The following RFX8 variants were observed in gnomAD, a reference collection of about 807,000 sequenced individuals.
RFX8 encodes DNA-binding protein RFX8.
Under a neutral mutation model 54.6 loss-of-function variants are expected in RFX8, and 46 were observed. The ratio of observed to expected loss-of-function variants is 0.84; its 90% confidence interval spans 0.67 to 1.08. RFX8 has a LOEUF of 1.08. RFX8 is among the 50% of genes least tolerant of loss of function. The probability of loss-of-function intolerance (pLI) is 0.00; values close to 1 mark genes in which losing one functional copy is unlikely to be tolerated. For missense variants in RFX8, 536 were observed against 562.3 expected (o/e 0.95, Z 0.47); for synonymous variants, 192 against 209.5 (o/e 0.92, Z 0.72).
At chr2:101,429,222 G>A (rs565813553) in intron 2 of RFX8, among the ~76,000 whole-genome samples, 6 of 152,264 alleles carry the variant, frequency 3.9e-5, no homozygotes, top group East Asian at 1.9e-4. Flanking sequence ...GGACAACCAC[G>A]CATTTATTTT....
intron 2 of RFX8, among the ~76,000 whole-genome samples, chr2:101,460,464 T>C (rs1482189714): frequency 6.6e-6 from 1 of 152,178 alleles, no homozygotes; most frequent in Non-Finnish European, 1.5e-5. Context: ...AATGCTATCT[T>C]GTTTATCAGC....
At chr2:101,417,395 A>T (rs1230612449) in intron 6 of RFX8, 139 bp downstream of exon 6, 2 of 718,260 alleles carry the variant, frequency 2.8e-6, no homozygotes, top group Non-Finnish European at 4.5e-6. Flanking sequence ...TTTGTGAGAC[A>T]GGATCTCACT....
At chr2:101,462,232 A>C (rs1039037208) in intron 2 of RFX8, among the ~76,000 whole-genome samples, 1 of 152,210 alleles carries the variant, frequency 6.6e-6, no homozygotes, top group African/African-American at 2.4e-5. Context: ...GTCCAAGACC[A>C]GCCTGGGCAA....
At chr2:101,451,686 T>C (rs1688689215) in intron 2 of RFX8, among the ~76,000 whole-genome samples, 1 of 40,232 alleles carries the variant, frequency 2.5e-5, no homozygotes, top group Non-Finnish European at 4.8e-5. Flanking sequence ...TGAAACTCCG[T>C]CTCAAAAAAA....
chr2:101,465,425 G>T (rs1388184620), intron 2 of RFX8, among the ~76,000 whole-genome samples: 1 of 152,162 alleles, frequency 6.6e-6, no homozygotes, highest in Admixed American at 6.5e-5. Context: ...CACGGGAATC[G>T]CTTGAACTCG....
intron 2 of RFX8, among the ~76,000 whole-genome samples, chr2:101,427,770 A>G (rs1385130123): frequency 6.6e-6 from 1 of 151,984 alleles, no homozygotes; most frequent in Non-Finnish European, 1.5e-5. Flanking sequence ...CATGGTACCC[A>G]TTGTTCCACG....
intron 8 of RFX8, among the ~76,000 whole-genome samples, chr2:101,412,277 C>A (rs1030668143): frequency 7.2e-5 from 11 of 152,196 alleles, no homozygotes; most frequent in Admixed American, 5.2e-4. Context: ...TGGAGAGCTC[C>A]TGCTGCCACT....
At chr2:101,460,370 A>G (rs887237323) in intron 2 of RFX8, among the ~76,000 whole-genome samples, 4 of 152,186 alleles carry the variant, frequency 2.6e-5, no homozygotes, top group African/African-American at 7.2e-5. Flanking sequence ...CTATTCGGCC[A>G]TCTTGGAAGC....
intron 10 of RFX8, among the ~76,000 whole-genome samples, chr2:101,405,692 C>T (rs543492237): frequency 2.4e-4 from 37 of 152,180 alleles, no homozygotes; most frequent in African/African-American, 8.2e-4. Flanking sequence ...AATTCAAGAA[C>T]AAGGAGAGTG....
chr2:101,452,649 C>T (rs1001847892), intron 2 of RFX8, among the ~76,000 whole-genome samples: 2 of 151,998 alleles, frequency 1.3e-5, no homozygotes, highest in African/African-American at 4.8e-5. Context: ...AAAAATTAGA[C>T]AGGTGTCAAA....
chr2:101,469,028 ATAC>A (rs1452294909), intron 1 of RFX8, among the ~76,000 whole-genome samples: 1 of 39,664 alleles, frequency 2.5e-5, no homozygotes, highest in Non-Finnish European at 6.0e-5. Context: ...GTATATATAT[ATAC>A]GTATATATAT....
chr2:101,467,052 G>C (rs1189983331), intron 1 of RFX8, among the ~76,000 whole-genome samples, 152 bp from the exon 2 acceptor site: 1 of 152,214 alleles, frequency 6.6e-6, no homozygotes, highest in Non-Finnish European at 1.5e-5. Context: ...GCTCACAACT[G>C]GCATCACTAT....
At chr2:101,403,339 T>G (rs10865041) in intron 10 of RFX8, among the ~76,000 whole-genome samples, 37,151 of 152,134 alleles carry the variant, frequency 0.24, 5,003 homozygotes, top group South Asian at 0.42. Context: ...GTGACTTAGC[T>G]GAATGCTCCA....
chr2:101,466,890 T>C lies in RFX8; in HGVS notation c.-42A>G, dbSNP rs1324209060. 2 of 1,455,512 alleles carry C rather than the reference T, an allele frequency of 1.4e-6. No homozygotes were observed. The highest frequency in any genetic ancestry group is 1.9e-6 in the Non-Finnish European group (2 of 1,059,144). 90.2% of individuals were successfully genotyped at this position (1,455,512 alleles called of 1,614,324 possible). A position where few individuals can be genotyped will look rare whatever the true frequency, so the allele number is the denominator to read the frequency against. On this transcript the variant is annotated 5_prime_UTR_variant, in exon 2 of 12. Coordinates refer to ENST00000428343, the MANE Select transcript of RFX8 (RefSeq NM_001145664.2). ...CTGCACTCTTCGCAAATGCAGAAGTTGTCGACCAACCTGGAGGAGAGGAGG... is the reference window on the plus strand; with the variant it reads ...CTGCACTCTTCGCAAATGCAGAAGTCGTCGACCAACCTGGAGGAGAGGAGG...
intron 2 of RFX8, among the ~76,000 whole-genome samples, chr2:101,435,592 C>T (rs1280065004): frequency 6.6e-6 from 1 of 152,170 alleles, no homozygotes; most frequent in Non-Finnish European, 1.5e-5. Context: ...TCTCCACTCC[C>T]CTGTTCCCCT....
chr2:101,403,500 C>T (rs1372301680), intron 10 of RFX8, among the ~76,000 whole-genome samples: 7 of 152,170 alleles, frequency 4.6e-5, no homozygotes, highest in Non-Finnish European at 7.4e-5. Context: ...AAAATGGACA[C>T]ATCAGGCTGG....
At chr2:101,414,828 C>T (rs1686394910) in intron 7 of RFX8, 26 bp downstream of exon 7, 1 of 1,527,686 alleles carries the variant, frequency 6.5e-7, no homozygotes, top group Non-Finnish European at 8.9e-7. Context: ...GCTTTGTTCC[C>T]TCCTATCTGC....
chr2:101,422,008 A>G (rs924391474), intron 3 of RFX8, among the ~76,000 whole-genome samples: 1 of 152,240 alleles, frequency 6.6e-6, no homozygotes, highest in Non-Finnish European at 1.5e-5. Flanking sequence ...TCATATTTGC[A>G]GATTTATTCT....
intron 2 of RFX8, among the ~76,000 whole-genome samples, chr2:101,429,921 G>T (rs1346312403): frequency 6.6e-6 from 1 of 152,122 alleles, no homozygotes; most frequent in Non-Finnish European, 1.5e-5. Context: ...ATGGTTCTAC[G>T]TCCTCCCCAG....
Sources: gnomAD v4.1 joint callset for allele counts (sites outside exome capture counted in the v4.1 genomes callset) on GRCh38, gnomAD v4.1.1 for gene constraint, MANE v1.5 for transcripts, NCBI Gene and HGNC (gene_info 2026-07-23, HGNC 2026-07-21) for gene names.